The following TTLL11 variants were observed in gnomAD, a reference collection of about 807,000 sequenced individuals.
TTLL11 encodes the protein tubulin polyglutamylase TTLL11.
In TTLL11, 42 loss-of-function variants were observed where a neutral mutation model predicts 51.7. That is an observed-to-expected ratio of 0.81 (90% CI 0.64 to 1.05). The LOEUF (loss-of-function observed/expected upper bound fraction) is 1.05, where lower values mean the gene tolerates loss of function less well. Among genes scored for constraint, TTLL11 ranks in the 50% least tolerant of loss-of-function variants. The pLI is 0.00. For missense variants in TTLL11, 799 were observed against 940.4 expected, an observed-to-expected ratio of 0.85 and a Z score of 1.97; for synonymous variants, 381 against 383.5, an observed-to-expected ratio of 0.99 and a Z score of 0.08.
At chr9:121,936,098 T>G (rs1841203663) in intron 6 of TTLL11, among the ~76,000 whole-genome samples, 1 of 152,070 alleles carries the variant, frequency 6.6e-6, no homozygotes, top group Non-Finnish European at 1.5e-5. Context: ...TCTCCCTGCT[T>G]GGAGAATGGT....
intron 6 of TTLL11, among the ~76,000 whole-genome samples, chr9:121,911,879 A>G (rs1840133587): frequency 6.6e-6 from 1 of 152,190 alleles, no homozygotes; most frequent in East Asian, 1.9e-4. Context: ...ATGTATACCT[A>G]TGTAACAAAC....
chr9:122,090,968 T>C (rs1174161358), intron 1 of TTLL11, among the ~76,000 whole-genome samples: 1 of 152,196 alleles, frequency 6.6e-6, no homozygotes, highest in Non-Finnish European at 1.5e-5. Flanking sequence ...TTTACTTGTG[T>C]TTTATTCCCT....
chr9:121,961,007 T>G (rs567114915), intron 6 of TTLL11, among the ~76,000 whole-genome samples: 4 of 152,122 alleles, frequency 2.6e-5, no homozygotes, highest in Non-Finnish European at 4.4e-5. Flanking sequence ...GGAAATTGCT[T>G]CAAAAGAAAA....
intron 6 of TTLL11, among the ~76,000 whole-genome samples, chr9:121,912,621 C>T (rs1335850510): frequency 6.6e-6 from 1 of 152,116 alleles, no homozygotes; most frequent in African/African-American, 2.4e-5. Context: ...TAAATTGTGT[C>T]TGTCTCAATA....
intron 6 of TTLL11, among the ~76,000 whole-genome samples, chr9:121,970,661 G>A (rs909126586): frequency 5.9e-5 from 9 of 152,172 alleles, no homozygotes; most frequent in Non-Finnish European, 1.0e-4. Context: ...ACCATCTCAC[G>A]CCAGTTAGAA....
rs1554773860 is a variant in TTLL11 at position 121,954,678 on chromosome 9, G to GCGCACACA, written c.1481+19330_1481+19331insTGTGTGCG. ...TGCAAGCACACACACACACACAGAC[G>GCGCACACA]CACACACACACACACACACAGACAC... On this transcript the variant is annotated intron_variant, in intron 6 of 8. Transcript: ENST00000321582. Among the ~76,000 whole-genome samples, 1,195 of 149,408 alleles carry GCGCACACA rather than the reference G, an allele frequency of 8.0e-3. 9 individuals carry two copies. Among genetic ancestry groups the GCGCACACA allele is most frequent in the African/African-American group, 0.027 (1,113 of 40,712 alleles).
chr9:121,954,678 G>A (rs78282577), intron 6 of TTLL11, among the ~76,000 whole-genome samples: 1,918 of 149,398 alleles, frequency 0.013, 28 homozygotes, highest in African/African-American at 0.037. Context: ...ACACACAGAC[G>A]CACACACACA....
rs1203750439 is a variant in TTLL11 at position 121,826,481 on chromosome 9, G to GTA, written c.1841-3604_1841-3603dup. Reference sequence around the variant, plus strand: ...TATATATGTGTGTATATATATATATGTATATATATATATGTGTGTGTATAT... The same window carrying GTA: ...TATATATGTGTGTATATATATATATGTATATATATATATATGTGTGTGTATAT... On this transcript the variant is annotated intron_variant, in intron 8 of 8. Coordinates refer to ENST00000321582, the MANE Select transcript of TTLL11 (RefSeq NM_001139442.2). 3.9e-4 allele frequency among the ~76,000 whole-genome samples: 18 copies of GTA among 46,372 alleles called. 2 individuals are homozygous for GTA. The East Asian group carries it at 9.7e-3, about 25-fold the overall frequency. 30.4% of individuals were successfully genotyped at this position (46,372 alleles called of 152,430 possible).
chr9:121,953,290 G>A, intron 6 of TTLL11, among the ~76,000 whole-genome samples: 1 of 152,064 alleles, frequency 6.6e-6, no homozygotes, highest in East Asian at 1.9e-4. Flanking sequence ...TCTTTGTCTG[G>A]GGTACTATAT....
At chr9:122,046,724 T>C (rs889281052) in intron 1 of TTLL11, among the ~76,000 whole-genome samples, 1 of 152,090 alleles carries the variant, frequency 6.6e-6, no homozygotes, top group Non-Finnish European at 1.5e-5. Context: ...GACCTGAGAG[T>C]CCTAGACTTG....
chr9:121,941,570 C>G (rs1841470926), intron 6 of TTLL11, among the ~76,000 whole-genome samples: 1 of 152,182 alleles, frequency 6.6e-6, no homozygotes, highest in South Asian at 2.1e-4. Context: ...TTGAGTTTCT[C>G]AACTTCTTAG....
At chr9:122,053,853 G>A (rs1845225534) in intron 1 of TTLL11, among the ~76,000 whole-genome samples, 1 of 152,126 alleles carries the variant, frequency 6.6e-6, no homozygotes, top group African/African-American at 2.4e-5. Flanking sequence ...TGAAGGGAGA[G>A]GCTCCCACGG....
chr9:121,961,869 A>C (rs564932501), intron 6 of TTLL11, among the ~76,000 whole-genome samples: 2 of 152,254 alleles, frequency 1.3e-5, no homozygotes, highest in East Asian at 3.9e-4. Context: ...CAGCCTGGCC[A>C]ACATGGTGAA....
intron 8 of TTLL11, among the ~76,000 whole-genome samples, chr9:121,828,866 G>A (rs562265789): frequency 1.3e-5 from 2 of 152,232 alleles, no homozygotes; most frequent in East Asian, 3.9e-4. Context: ...TTGGGAGGCT[G>A]AGGCAGGAGG....
At chr9:121,942,468 C>A (rs1307017901) in intron 6 of TTLL11, among the ~76,000 whole-genome samples, 7 of 152,212 alleles carry the variant, frequency 4.6e-5, no homozygotes, top group African/African-American at 1.7e-4. Context: ...AAAGCGGGGA[C>A]CTCGCGATGA....
chr9:121,955,590 C>T (rs1841993785), intron 6 of TTLL11, among the ~76,000 whole-genome samples: 1 of 152,140 alleles, frequency 6.6e-6, no homozygotes, highest in African/African-American at 2.4e-5. Context: ...AAATAACTGC[C>T]CCAGATTTCA....
intron 6 of TTLL11, among the ~76,000 whole-genome samples, chr9:121,967,166 C>T (rs543736833): frequency 3.4e-5 from 5 of 148,608 alleles, no homozygotes; most frequent in Admixed American, 6.7e-5. Context: ...TATTGTCTTG[C>T]CAGGACACAG....
chr9:121,903,546 G>A (rs1308142255), intron 6 of TTLL11, among the ~76,000 whole-genome samples: 2 of 152,262 alleles, frequency 1.3e-5, no homozygotes, highest in Admixed American at 6.5e-5. Flanking sequence ...CAGATCTTCT[G>A]TTTTCTTATC....
intron 6 of TTLL11, among the ~76,000 whole-genome samples, chr9:121,891,913 C>CGT (rs1433616748): frequency 6.7e-6 from 1 of 149,066 alleles, no homozygotes; most frequent in Non-Finnish European, 1.5e-5. Context: ...CATATATATA[C>CGT]GTGTGTGTAT....
Sources: allele counts gnomAD v4.1 joint callset (sites outside exome capture counted in the v4.1 genomes callset), GRCh38; gene constraint gnomAD v4.1.1; transcripts MANE v1.5; gene names NCBI Gene and HGNC (gene_info 2026-07-23, HGNC 2026-07-21).